The following OR4F15 variants were observed in gnomAD, a reference collection of about 807,000 sequenced individuals.
The protein encoded by OR4F15 is olfactory receptor family 4 subfamily F member 15, also known as olfactory receptor 4F15.
Under a neutral mutation model 11.9 loss-of-function variants are expected in OR4F15, and 7 were observed. That is an observed-to-expected ratio of 0.59 (90% CI 0.33 to 1.10). The LOEUF (loss-of-function observed/expected upper bound fraction) is 1.10, where lower values mean the gene tolerates loss of function less well. OR4F15 is among the 50% of genes least tolerant of loss of function. OR4F15 has a pLI of 0.03. For missense variants in OR4F15, 445 were observed against 377.5 expected (o/e 1.18, Z -1.48); for synonymous variants, 151 against 134.6 (o/e 1.12, Z -0.84).
chr15:101,818,160 T>C lies in OR4F15; in HGVS notation c.-27T>C. ...TCTTTCTTCCTTCAGGTAAGTAACA[T>C]GAAAACTGATCTTGGAGTCTGAGGC... On this transcript the variant is annotated 5_prime_UTR_variant, in exon 2 of 2. It removes an upstream start codon present in the reference 5' UTR. Coordinates refer to ENST00000332238, the MANE Select transcript of OR4F15 (RefSeq NM_001001674.2). The C allele has an allele frequency of 6.8e-7, 1 of 1,461,996 alleles. No homozygotes were observed. Among genetic ancestry groups the C allele is most frequent in the Non-Finnish European group, 9.4e-7 (1 of 1,058,296 alleles). The allele number at this position is 1,461,996 out of a possible 1,614,324, so 90.6% of individuals were successfully genotyped here. A position where few individuals can be genotyped will look rare whatever the true frequency, so the allele number is the denominator to read the frequency against.
chr15:101,816,101 G>A (rs1226052911), intron 1 of OR4F15, among the ~76,000 whole-genome samples: 2 of 151,984 alleles, frequency 1.3e-5, no homozygotes, highest in African/African-American at 4.8e-5. Flanking sequence ...TAGAATAATG[G>A]CCTTCAAAAA....
chr15:101,818,140 C>T lies in OR4F15; in HGVS notation c.-37-10C>T. 1.6e-6 allele frequency: 2 copies of T among 1,231,798 alleles called. No individual in the cohort carries two copies. The highest frequency in any genetic ancestry group is 2.3e-6 in the Non-Finnish European group (2 of 868,474). The allele number at this position is 1,231,798 out of a possible 1,614,324, so 76.3% of individuals were successfully genotyped here. On this transcript the variant is annotated splice_polypyrimidine_tract_variant and intron_variant, in intron 1 of 1. Transcript: ENST00000332238. ...TAGGTAATTCTTTCTCATTTTCTTT[C>T]TTCCTTCAGGTAAGTAACATGAAAA...
chr15:101,815,801 T>C (rs1227546512), intron 1 of OR4F15, among the ~76,000 whole-genome samples: 1 of 152,138 alleles, frequency 6.6e-6, no homozygotes, highest in East Asian at 1.9e-4. Context: ...CAGGAGATAA[T>C]TATATACCTA....
intron 1 of OR4F15, among the ~76,000 whole-genome samples, chr15:101,816,035 T>C (rs945613137): frequency 6.6e-6 from 1 of 152,122 alleles, no homozygotes; most frequent in Non-Finnish European, 1.5e-5. Context: ...TTCATTACTT[T>C]AAGATTTTCC....
In OR4F15 at chr15:101,819,911, G is replaced by C. The variant is rs913617009; in HGVS notation, c.*786G>C. ...CTACATATTTTTGCCACCTTATCAG[G>C]CTTCTTTGGCCATCTACAAAATTGT... is the stretch of plus-strand genomic sequence containing the variant. On this transcript the variant is annotated 3_prime_UTR_variant, in exon 2 of 2. Transcript: ENST00000332238. 4.6e-5 allele frequency: 7 copies of C among 152,076 alleles called. No homozygotes were observed. The highest frequency in any genetic ancestry group is 7.4e-5 in the Non-Finnish European group (5 of 68,024). The allele number at this position is 152,076 out of a possible 1,614,324, so 9.4% of individuals were successfully genotyped here.
At chr15:101,818,107 T>C (rs1903022338) in intron 1 of OR4F15, 43 bp from the exon 2 acceptor site, 7 of 915,114 alleles carry the variant, frequency 7.6e-6, no homozygotes, top group South Asian at 6.5e-5. Context: ...TGAACATGAA[T>C]ACTTGCCTAG....
rs1440549009 is a variant in OR4F15 at position 101,818,662 on chromosome 15, A to C, written c.476A>C (p.Gln159Pro). 1 of 1,614,138 alleles carries C rather than the reference A, an allele frequency of 6.2e-7. No individual in the cohort carries two copies. The change falls in exon 2 of 2, where the codon CAA becomes CCA. Residue 159 changes from glutamine (Q) to proline (P), a missense_variant. Coordinates refer to ENST00000332238, the MANE Select transcript of OR4F15 (RefSeq NM_001001674.2). ...ATTGGCCTTATCCACTCATTGGTCC[A>C]ATTAGTTTTTGTGGTAGATTTACCT... ...SIIGLIHSLVQLVFVVDLPFC... is the reference protein window; with the variant it reads ...SIIGLIHSLVPLVFVVDLPFC...
In OR4F15 at chr15:101,818,980, C is replaced by T; in HGVS notation, c.794C>T (p.Ser265Leu). The change falls in exon 2 of 2, where the codon TCA becomes TTA. Residue 265 changes from serine to leucine, a missense_variant. Ser to Leu is a moderately radical substitution (Grantham distance 145). Transcript: ENST00000332238. ...TTCTACACATGGCCTTCTCCCACAT[C>T]ACACCTGGATAAATATCTTGCTATT... is the stretch of plus-strand genomic sequence containing the variant. The part of the protein sequence containing the change: ...MFFYTWPSPT[S>L]HLDKYLAIFD... The T allele has an allele frequency of 6.2e-7, 1 of 1,614,152 alleles. No individual in the cohort carries two copies. The highest frequency in any genetic ancestry group is 8.5e-7 in the Non-Finnish European group (1 of 1,180,002).
intron 1 of OR4F15, among the ~76,000 whole-genome samples, chr15:101,813,113 T>C (rs908005273): frequency 2.0e-5 from 3 of 152,218 alleles, no homozygotes; most frequent in Non-Finnish European, 4.4e-5. Flanking sequence ...ACCTGACAAC[T>C]TCTTTATATC....
At chr15:101,812,526 T>A (rs1902924026) in intron 1 of OR4F15, among the ~76,000 whole-genome samples, 1 of 152,178 alleles carries the variant, frequency 6.6e-6, no homozygotes, top group Non-Finnish European at 1.5e-5. Context: ...ATCCAGAGAC[T>A]TTTGGGGAAA....
In OR4F15 at chr15:101,818,385, T is replaced by G; in HGVS notation, c.199T>G (p.Ser67Ala). 6.2e-7 allele frequency: 1 copy of G among 1,614,136 alleles called. No homozygotes were observed. The highest frequency in any genetic ancestry group is 8.5e-7 in the Non-Finnish European group (1 of 1,179,968). ...CATGTATTTCCTCCTGGCTAACCTCTCAATCATTGATATGGCATTTTGCTC... is the reference window on the plus strand; with the variant it reads ...CATGTATTTCCTCCTGGCTAACCTCGCAATCATTGATATGGCATTTTGCTC... Reference protein sequence around the residue: ...SPMYFLLANLSIIDMAFCSIT... With the variant: ...SPMYFLLANLAIIDMAFCSIT... Residue 67 changes from serine (S) to alanine (A), a missense_variant, in exon 2 of 2, where the codon TCA becomes GCA. Ser to Ala is a moderately conservative substitution (Grantham distance 99, BLOSUM62 1). Coordinates refer to ENST00000332238, the MANE Select transcript of OR4F15 (RefSeq NM_001001674.2).
intron 1 of OR4F15, among the ~76,000 whole-genome samples, chr15:101,816,761 C>T (rs191038228): frequency 3.3e-5 from 5 of 152,216 alleles, no homozygotes; most frequent in Admixed American, 3.3e-4. Context: ...TGGTTTATTT[C>T]GGGCAGTTGT....
intron 1 of OR4F15, among the ~76,000 whole-genome samples, chr15:101,816,375 G>A (rs1286051954): frequency 1.3e-5 from 2 of 152,132 alleles, no homozygotes; most frequent in African/African-American, 2.4e-5. Context: ...GAAGCTCCAG[G>A]AGGAATGCAG....
chr15:101,817,959 T>C (rs1001853644), intron 1 of OR4F15, among the ~76,000 whole-genome samples, 191 bp from the exon 2 acceptor site: 1 of 152,178 alleles, frequency 6.6e-6, no homozygotes, highest in Non-Finnish European at 1.5e-5. Flanking sequence ...TTAGTAGTAG[T>C]AGTTTTGAAA....
chr15:101,815,809 C>G (rs375185403), intron 1 of OR4F15, among the ~76,000 whole-genome samples: 5 of 152,040 alleles, frequency 3.3e-5, no homozygotes, highest in African/African-American at 4.8e-5. Flanking sequence ...AATTATATAC[C>G]TAGAATAACT....
rs1046117441 is a variant in OR4F15, at chr15:101,818,281, T to C, written c.95T>C (p.Leu32Ser). Residue 32 changes from leucine (L) to serine (S), a missense_variant, in exon 2 of 2, where the codon TTG becomes TCG. Leu to Ser is a moderately radical substitution (Grantham distance 145, BLOSUM62 -2). Transcript: ENST00000332238. The part of the protein sequence containing the change: ...EIQLLLFVFS[L>S]LFYFASMMGN... ...CAGCTTCTACTTTTTGTTTTCTCTTTGTTGTTCTACTTTGCGAGCATGATG... is the reference window on the plus strand; with the variant it reads ...CAGCTTCTACTTTTTGTTTTCTCTTCGTTGTTCTACTTTGCGAGCATGATG... 1.9e-6 allele frequency: 3 copies of C among 1,613,864 alleles called. No homozygotes were observed. The highest frequency in any genetic ancestry group is 2.5e-6 in the Non-Finnish European group (3 of 1,179,862).
In OR4F15 at chr15:101,818,866, A is replaced by G. The variant is rs752210568; in HGVS notation, c.680A>G (p.Lys227Arg). ...SYIFILFTVW[K>R]HSSGGLAKAL... Reference sequence around the variant, plus strand: ...ATCTTCATTCTGTTCACTGTTTGGAAACATTCTTCTGGTGGTCTAGCCAAG... The same window carrying G: ...ATCTTCATTCTGTTCACTGTTTGGAGACATTCTTCTGGTGGTCTAGCCAAG... The change falls in exon 2 of 2, where the codon AAA becomes AGA. Residue 227 changes from lysine (K) to arginine (R), a missense_variant. Physicochemically the swap from Lys to Arg is conservative, Grantham distance 26. Coordinates refer to ENST00000332238, the MANE Select transcript of OR4F15 (RefSeq NM_001001674.2). The G allele has an allele frequency of 6.2e-7, 1 of 1,613,914 alleles. No homozygotes were observed. The highest frequency in any genetic ancestry group is 8.5e-7 in the Non-Finnish European group (1 of 1,179,924).
intron 1 of OR4F15, among the ~76,000 whole-genome samples, chr15:101,814,617 T>A (rs1270998009): frequency 6.6e-6 from 1 of 152,218 alleles, no homozygotes; most frequent in Non-Finnish European, 1.5e-5. Flanking sequence ...ACTTTGCTAT[T>A]TCTTCCCCTT....
At position 101,817,429 on chromosome 15, in the gene OR4F15, G is replaced by A. The variant is rs534086782; in HGVS notation, c.-37-721G>A. On this transcript the variant is annotated intron_variant, in intron 1 of 1. Coordinates refer to ENST00000332238, the MANE Select transcript of OR4F15 (RefSeq NM_001001674.2). ...GTGACTGATTGTGTTGGTCACAAGT[G>A]GTGATTGTGATGATGGTGGGAGCTA... Among the ~76,000 whole-genome samples, 16 of 152,292 alleles carry A rather than the reference G, an allele frequency of 1.1e-4. No individual in the cohort carries two copies. The East Asian group carries it at 3.1e-3, about 29-fold the overall frequency.
Sources: allele counts gnomAD v4.1 joint callset (sites outside exome capture counted in the v4.1 genomes callset), GRCh38; gene constraint gnomAD v4.1.1; transcripts MANE v1.5; gene names NCBI Gene and HGNC (gene_info 2026-07-23, HGNC 2026-07-21).